Variants in DPF1 observed in about 807,000 individuals in gnomAD.
DPF1 encodes the protein double PHD fingers 1, also known as zinc finger protein neuro-d4.
Under a neutral mutation model 58.7 loss-of-function variants are expected in DPF1, and 14 were observed. The ratio of observed to expected loss-of-function variants is 0.24; its 90% CI spans 0.16 to 0.37. The LOEUF (loss-of-function observed/expected upper bound fraction) is 0.37, where lower values mean the gene tolerates loss of function less well. Ranked by LOEUF, DPF1 falls within the 10% of genes least tolerant of loss-of-function variation. The pLI is 1.00. For synonymous variants in DPF1, 216 were observed against 216.0 expected, an observed-to-expected ratio of 1.00 and a Z score of 0.00; for missense variants, 345 against 529.9, an observed-to-expected ratio of 0.65 and a Z score of 3.43.
intron 9 of DPF1, among the ~76,000 whole-genome samples, chr19:38,214,611 A>G (rs1455446328): frequency 6.6e-6 from 1 of 151,992 alleles, no homozygotes; most frequent in African/African-American, 2.4e-5. Flanking sequence ...CGTCACTCAC[A>G]CCACACAGCC....
rs1307192497 is a variant in DPF1 at position 38,211,671 on chromosome 19, CTT to C, written c.*390_*391del. 1.2e-5 allele frequency: 2 copies of C among 166,146 alleles called. No individual in the cohort carries two copies. Among genetic ancestry groups the C allele is most frequent in the Non-Finnish European group, 2.6e-5 (2 of 77,608 alleles). 10.3% of individuals were successfully genotyped at this position (166,146 alleles called of 1,614,324 possible). A position where few individuals can be genotyped will look rare whatever the true frequency, so the allele number is the denominator to read the frequency against. On this transcript the variant is annotated 3_prime_UTR_variant, in exon 12 of 12. Coordinates refer to ENST00000355526, the MANE Select transcript of DPF1 (RefSeq NM_001135155.3). This position sits in a 1 kb window ranked among gnomAD's most constrained non-coding sequence, Gnocchi z 4.0. The stretch of plus-strand genomic sequence containing the variant: ...CCACCCAGCCAGGCCTTGGAGGACT[CTT>C]TGTATATATTAACTTCTTTTCTTTT...
chr19:38,217,706 A>G (rs977053052), intron 6 of DPF1, 92 bp downstream of exon 6: 1 of 1,583,494 alleles, frequency 6.3e-7, no homozygotes, highest in East Asian at 2.3e-5. Context: ...CAGCCTCCCA[A>G]CCCGGGTCTG....
upstream of DPF1, chr19:38,229,689 C>A: frequency 2.0e-6 from 1 of 494,586 alleles, no homozygotes; most frequent in Non-Finnish European, 2.6e-6. This position sits in a 1 kb window ranked among gnomAD's most constrained non-coding sequence, Gnocchi z 5.3. Context: ...CAGCGCGCTA[C>A]GATTTCATTC....
At chr19:38,218,841 G>T (rs1449186431) in intron 4 of DPF1, 90 bp downstream of exon 4, 9 of 1,579,184 alleles carry the variant, frequency 5.7e-6, no homozygotes, top group African/African-American at 1.3e-5. Context: ...AACCGGGGGG[G>T]TTTCAGAGCA....
Position 38,222,794 on chromosome 19 carries a change from G to A in DPF1, c.30-86C>T, listed in dbSNP as rs566169400. Reference sequence around the variant, plus strand: ...GCACCCCTTCCCCGGCTGCCGGGCCGCCCAGGCTCGGGAGGGGTGGGCCGA... The same window carrying A: ...GCACCCCTTCCCCGGCTGCCGGGCCACCCAGGCTCGGGAGGGGTGGGCCGA... On this transcript the variant is annotated intron_variant, in intron 1 of 11. Coordinates refer to ENST00000355526, the MANE Select transcript of DPF1 (RefSeq NM_001135155.3). This position sits in a 1 kb window ranked among gnomAD's most constrained non-coding sequence, Gnocchi z 4.9. 2.1e-3 allele frequency: 2,947 copies of A among 1,420,260 alleles called. 7 individuals carry two copies. The highest frequency in any genetic ancestry group is 8.2e-3 in the Admixed American group (291 of 35,678). The allele number at this position is 1,420,260 out of a possible 1,614,324, so 88.0% of individuals were successfully genotyped here.
intron 9 of DPF1, among the ~76,000 whole-genome samples, chr19:38,214,753 A>G (rs1219067834): frequency 6.7e-6 from 1 of 149,226 alleles, no homozygotes; most frequent in Non-Finnish European, 1.5e-5. Flanking sequence ...TGCAGCCTTG[A>G]CCTCCCAGGC....
At chr19:38,224,293 G>C, upstream of DPF1, 1 of 1,264,248 alleles carries the variant, frequency 7.9e-7, no homozygotes, top group Non-Finnish European at 9.9e-7. This position sits in a 1 kb window ranked among gnomAD's most constrained non-coding sequence, Gnocchi z 4.5. Context: ...GCCCGCCCGG[G>C]CCATGCTGGG....
intron 10 of DPF1, 92 bp downstream of exon 10, chr19:38,213,552 A>G (rs28493214): frequency 0.28 from 303,402 of 1,073,796 alleles, 48,898 homozygotes; most frequent in African/African-American, 0.65. Flanking sequence ...TCACCAGGGA[A>G]GGCTCAGGCA....
chr19:38,217,377 G>GCGCC lies in DPF1; in HGVS notation c.727+82_727+83insGGCG. 7.7e-6 allele frequency: 6 copies of GCGCC among 774,482 alleles called. 1 individual carries two copies. Among genetic ancestry groups the GCGCC allele is most frequent in the East Asian group, 4.6e-5 (1 of 21,940 alleles). 48.0% of individuals were successfully genotyped at this position (774,482 alleles called of 1,614,324 possible). ...TGGAGATTTTCCAGAAATGTCTAAT[G>GCGCC]CCCCCCCACCCCCACCCCCAGCTGG... On this transcript the variant is annotated intron_variant, in intron 7 of 11. Coordinates refer to ENST00000355526, the MANE Select transcript of DPF1 (RefSeq NM_001135155.3).
chr19:38,212,363 TG>T lies in DPF1; in HGVS notation c.1012-3del. Reference sequence around the variant, plus strand: ...GTCATCACAAAACAGCAGCTGGTCCTGGGGGGTGAGACCCGCCCAGCTGGCA... The same window carrying T: ...GTCATCACAAAACAGCAGCTGGTCCTGGGGGTGAGACCCGCCCAGCTGGCA... On this transcript the variant is annotated splice_polypyrimidine_tract_variant and splice_region_variant and intron_variant, in intron 10 of 11. Coordinates refer to ENST00000355526, the MANE Select transcript of DPF1 (RefSeq NM_001135155.3). 8.7e-7 allele frequency: 1 copy of T among 1,145,102 alleles called. No homozygotes were observed. Among genetic ancestry groups the T allele is most frequent in the Non-Finnish European group, 1.1e-6 (1 of 923,550 alleles). The allele number at this position is 1,145,102 out of a possible 1,614,324, so 70.9% of individuals were successfully genotyped here.
intron 7 of DPF1, among the ~76,000 whole-genome samples, chr19:38,217,211 C>T (rs925548735): frequency 2.0e-5 from 3 of 152,170 alleles, no homozygotes; most frequent in East Asian, 3.9e-4. Context: ...CTATCACCCC[C>T]CCTCCCCAAG....
At chr19:38,226,501 T>TACACA (rs1491357893), upstream of DPF1, among the ~76,000 whole-genome samples, 2 of 64,086 alleles carry the variant, frequency 3.1e-5, no homozygotes, top group Non-Finnish European at 5.9e-5. Flanking sequence ...CACGGTCACT[T>TACACA]CTACACACAC....
Position 38,213,667 on chromosome 19 carries a change from G to A in DPF1, c.988C>T (p.Leu330=). The change falls in exon 10 of 12, where the codon CTG becomes TTG. Residue 330 remains leucine, a synonymous_variant. Transcript: ENST00000355526. ...ACGTCGTTCTCGGAGGTTCCGCACA[G>A]GCTGCAGGATTTGCACTCGATGCAC... The part of the protein sequence containing the change: ...WQCIECKSCS[L]CGTSENDDQL... The A allele has an allele frequency of 6.2e-7, 1 of 1,613,814 alleles. No individual in the cohort carries two copies. Among genetic ancestry groups the A allele is most frequent in the Non-Finnish European group, 8.5e-7 (1 of 1,179,806 alleles).
chr19:38,225,335 G>C (rs1246998394), upstream of DPF1, among the ~76,000 whole-genome samples: 1 of 152,142 alleles, frequency 6.6e-6, no homozygotes, highest in Non-Finnish European at 1.5e-5. Context: ...GGGAGGCCTA[G>C]ATGAGAGCAC....
At chr19:38,219,080 G>T (rs1329745488) in intron 3 of DPF1, 22 bp from the exon 4 acceptor site, 2 of 1,612,184 alleles carry the variant, frequency 1.2e-6, no homozygotes, top group Admixed American at 1.7e-5. Flanking sequence ...GCCATGGGGG[G>T]GTCAGATGGG....
At chr19:38,227,779 G>A (rs1230524496), upstream of DPF1, among the ~76,000 whole-genome samples, 1 of 152,282 alleles carries the variant, frequency 6.6e-6, no homozygotes, top group African/African-American at 2.4e-5. Context: ...GCTGGTTTTG[G>A]AACTCAGGCA....
intron 7 of DPF1, among the ~76,000 whole-genome samples, chr19:38,217,134 ACCCTGCC>A (rs1967077998): frequency 6.6e-6 from 1 of 152,064 alleles, no homozygotes; most frequent in Non-Finnish European, 1.5e-5. Context: ...CAGGCCACAG[ACCCTGCC>A]CCTTGACCAA....
chr19:38,218,452 C>G (rs1967199236), intron 5 of DPF1, 121 bp downstream of exon 5: 1 of 1,030,468 alleles, frequency 9.7e-7, no homozygotes, highest in African/African-American at 1.6e-5. Flanking sequence ...GCAGGCCGCT[C>G]TGGGGATTCA....
chr19:38,214,992 C>T lies in DPF1; in HGVS notation c.898+1148G>A, dbSNP rs984154031. On this transcript the variant is annotated intron_variant, in intron 9 of 11. Transcript: ENST00000355526. ...CTGGAACTACAGGCACGCACCACCA[C>T]ACCCAGCTAAATTTTGTATTTTTAT... is the stretch of plus-strand genomic sequence containing the variant. Among the ~76,000 whole-genome samples the T allele has an allele frequency of 2.0e-5, 3 of 148,514 alleles. No homozygotes were observed. In the East Asian group the frequency reaches 6.0e-4, roughly 30 times the overall value.
Sources: gnomAD v4.1 joint callset for allele counts (sites outside exome capture counted in the v4.1 genomes callset) on GRCh38, gnomAD v4.1.1 for gene constraint, Gnocchi (gnomAD v3.1) non-coding constraint, MANE v1.5 for transcripts, NCBI Gene and HGNC (gene_info 2026-07-23, HGNC 2026-07-21) for gene names.